The following UBA52 variants were observed in gnomAD, a reference collection of about 807,000 sequenced individuals.
UBA52 encodes ubiquitin A-52 residue ribosomal protein fusion product 1, also known as ubiquitin-ribosomal protein eL40 fusion protein.
Under a neutral mutation model 15.3 loss-of-function variants are expected in UBA52, and 1 was observed. The observed-to-expected ratio is 0.07, with a 90% CI of 0.02 to 0.31. The LOEUF (loss-of-function observed/expected upper bound fraction) is 0.31. UBA52 is among the 10% of genes least tolerant of loss of function. The pLI is 1.00. For missense variants in UBA52, 87 were observed against 168.0 expected, an observed-to-expected ratio of 0.52 and a Z score of 2.66; for synonymous variants, 50 against 58.3, an observed-to-expected ratio of 0.86 and a Z score of 0.65.
chr19:18,574,969 G>T lies in UBA52; in HGVS notation c.290G>T (p.Arg97Leu), dbSNP rs758319454. 6.2e-7 allele frequency: 1 copy of T among 1,614,060 alleles called. No individual in the cohort carries two copies. The highest frequency in any genetic ancestry group is 8.5e-7 in the Non-Finnish European group (1 of 1,180,042). The change falls in exon 4 of 5, where the codon CGC becomes CTC. Residue 97 changes from arginine to leucine, a missense_variant. Transcript: ENST00000442744. The stretch of plus-strand genomic sequence containing the variant: ...TACAACTGCGACAAGATGATCTGCC[G>T]CAAGTATGTGTGCTCCGATGCTTGG... ...QKYNCDKMIC[R>L]KCYARLHPRA...
the UBA52 span, among the ~76,000 whole-genome samples, chr19:18,564,101 G>A: frequency 4.6e-5 from 7 of 151,900 alleles, no homozygotes; most frequent in Non-Finnish European, 8.8e-5. Context: ...TGGCAAGGCT[G>A]GTCTCGAACT....
At chr19:18,570,581 A>C (rs1225859052), upstream of UBA52, among the ~76,000 whole-genome samples, 1 of 139,190 alleles carries the variant, frequency 7.2e-6, no homozygotes, top group Non-Finnish European at 1.5e-5. Context: ...GCGTGAACTC[A>C]GCTCACTGCA....
intron 1 of UBA52, chr19:18,573,021 CCA>C (rs1283782152): frequency 7.0e-6 from 9 of 1,294,176 alleles, no homozygotes; most frequent in African/African-American, 1.5e-5. Context: ...AGGAGAATAA[CCA>C]CAGTCTGTGT....
At chr19:18,570,256 A>G (rs1266366306), upstream of UBA52, among the ~76,000 whole-genome samples, 1 of 151,340 alleles carries the variant, frequency 6.6e-6, no homozygotes, top group Non-Finnish European at 1.5e-5. Flanking sequence ...GCTGGAGTGC[A>G]GTGGCTGAAT....
At chr19:18,573,979 C>T (rs977735943) in intron 3 of UBA52, among the ~76,000 whole-genome samples, 26 of 119,970 alleles carry the variant, frequency 2.2e-4, no homozygotes, top group Non-Finnish European at 2.6e-4. Flanking sequence ...GGTGAAATCC[C>T]GTTTCTATTA....
At position 18,575,948 on chromosome 19, in the gene UBA52, G is replaced by C. The variant is rs1335797284; in HGVS notation, c.*798G>C. On this transcript the variant is annotated 3_prime_UTR_variant, in exon 5 of 5. Transcript: ENST00000442744. Reference sequence around the variant, plus strand: ...TTTTTAGTAGAGACGGGGTTTCACTGGGTTAGCCAGGTTGGTCTCGATCTC... The same window carrying C: ...TTTTTAGTAGAGACGGGGTTTCACTCGGTTAGCCAGGTTGGTCTCGATCTC... The C allele has an allele frequency of 1.3e-5, 2 of 152,184 alleles. No homozygotes were observed. Among genetic ancestry groups the C allele is most frequent in the Non-Finnish European group, 2.9e-5 (2 of 68,118 alleles). The allele number at this position is 152,184 out of a possible 1,614,324, so 9.4% of individuals were successfully genotyped here.
In UBA52 at chr19:18,573,295, G is replaced by A. The variant is rs779402440; in HGVS notation, c.-6G>A. On this transcript the variant is annotated splice_region_variant and 5_prime_UTR_variant, in exon 2 of 5. Coordinates refer to ENST00000442744, the MANE Select transcript of UBA52 (RefSeq NM_001033930.3). ...TCCTGCCTCCCTTCCTCCTGCAGAC[G>A]CAAACATGCAGATCTTTGTGAAGAC... The A allele has an allele frequency of 4.3e-6, 7 of 1,613,962 alleles. No individual in the cohort carries two copies. Among genetic ancestry groups the A allele is most frequent in the East Asian group, 4.5e-5 (2 of 44,878 alleles).
chr19:18,570,507 C>CCTTTTTTTTTTTTTTTT (rs1555752290), upstream of UBA52, among the ~76,000 whole-genome samples: 5 of 44,786 alleles, frequency 1.1e-4, 2 homozygotes, highest in Non-Finnish European at 1.5e-4. Flanking sequence ...CGCCGTGGCA[C>CCTTTTTTTTTTTTTTTT]TTTTTTTTTT....
upstream of UBA52, among the ~76,000 whole-genome samples, chr19:18,569,568 C>CT: frequency 6.6e-6 from 1 of 151,836 alleles, no homozygotes; most frequent in African/African-American, 2.4e-5. Flanking sequence ...TTCCCGTCAC[C>CT]AGCTAGGTCT....
intron 1 of UBA52, chr19:18,572,977 G>A (rs1470638941): frequency 8.4e-7 from 1 of 1,190,656 alleles, no homozygotes; most frequent in African/African-American, 1.6e-5. Flanking sequence ...ATTCCATCAG[G>A]AGATACTGAC....
the UBA52 span, chr19:18,565,245 T>G: frequency 1.6e-6 from 2 of 1,274,902 alleles, no homozygotes; most frequent in South Asian, 2.0e-5. Flanking sequence ...TTTTTTTTTT[T>G]TGGAGACGGA....
At chr19:18,573,518 C>A in intron 2 of UBA52, 115 bp downstream of exon 2, 1 of 1,296,932 alleles carries the variant, frequency 7.7e-7, no homozygotes, top group Non-Finnish European at 1.1e-6. Context: ...GCCCTTGCTT[C>A]TCCATGTGAT....
At chr19:18,570,507 CTTTTTTTTTT>C (rs1555752289), upstream of UBA52, among the ~76,000 whole-genome samples, 1 of 44,812 alleles carries the variant, frequency 2.2e-5, no homozygotes, top group Non-Finnish European at 5.1e-5. Flanking sequence ...CGCCGTGGCA[CTTTTTTTTTT>C]TTTTTTTTTT....
intron 3 of UBA52, 62 bp from the exon 4 acceptor site, chr19:18,574,808 G>A: frequency 6.3e-7 from 1 of 1,595,424 alleles, no homozygotes; most frequent in Non-Finnish European, 8.5e-7. Context: ...GGAGGGTCCT[G>A]CCCCTGTGAC....
At chr19:18,565,840 G>A in the UBA52 span, among the ~76,000 whole-genome samples, 1 of 152,058 alleles carries the variant, frequency 6.6e-6, no homozygotes, top group African/African-American at 2.4e-5. Context: ...GGCGCATGCT[G>A]CCACGCCCAG....
chr19:18,574,607 A>G (rs547315167), intron 3 of UBA52, among the ~76,000 whole-genome samples: 1 of 152,282 alleles, frequency 6.6e-6, no homozygotes, highest in African/African-American at 2.4e-5. Flanking sequence ...CTTCCATGTT[A>G]GAAACCCAGA....
the UBA52 span, chr19:18,564,804 C>G: frequency 1.0e-5 from 16 of 1,585,272 alleles, no homozygotes; most frequent in South Asian, 2.2e-5. Context: ...GAACAGTCTT[C>G]TGGGCCAGGT....
upstream of UBA52, chr19:18,568,260 C>T (rs140842160): frequency 4.5e-4 from 299 of 660,134 alleles, no homozygotes; most frequent in African/African-American, 3.4e-3. Context: ...AGCGAAACTC[C>T]GTCTCAAAAA....
Position 18,573,241 on chromosome 19 carries a change from T to C in UBA52, c.-8-52T>C. 4 of 1,532,502 alleles carry C rather than the reference T, an allele frequency of 2.6e-6. No homozygotes were observed. The Admixed American group carries it at 6.7e-5, about 26-fold the overall frequency. The allele number at this position is 1,532,502 out of a possible 1,614,324, so 94.9% of individuals were successfully genotyped here. On this transcript the variant is annotated intron_variant, in intron 1 of 4. Transcript: ENST00000442744. ...GTGGTGTAGGCACCTGAGCTTGTGC[T>C]ACTCAGGCATGCATTGCTCACCAGT... is the stretch of plus-strand genomic sequence containing the variant.
Sources: gnomAD v4.1 joint callset for allele counts (sites outside exome capture counted in the v4.1 genomes callset) on GRCh38, gnomAD v4.1.1 for gene constraint, MANE v1.5 for transcripts, NCBI Gene and HGNC (gene_info 2026-07-23, HGNC 2026-07-21) for gene names.